Variants in SLC46A3 observed in about 807,000 individuals in gnomAD.
SLC46A3 encodes solute carrier family 46 member 3.
Under a neutral mutation model 38.5 loss-of-function variants are expected in SLC46A3, and 26 were observed. The observed-to-expected ratio is 0.68, with a 90% CI of 0.49 to 0.94. The LOEUF (loss-of-function observed/expected upper bound fraction) is 0.94. Among genes scored for constraint, SLC46A3 ranks in the 40% least tolerant of loss-of-function variants. The probability of loss-of-function intolerance (pLI) is 0.00; values close to 1 mark genes in which losing one functional copy is unlikely to be tolerated. For missense variants in SLC46A3, 510 were observed against 544.3 expected (o/e 0.94, Z 0.63); for synonymous variants, 185 against 192.5 (o/e 0.96, Z 0.32).
At chr13:28,718,151 G>T in intron 1 of SLC46A3, 129 bp from the exon 2 acceptor site, 1 of 680,360 alleles carries the variant, frequency 1.5e-6, no homozygotes, top group Non-Finnish European at 2.4e-6. Flanking sequence ...AGAAAAGGCA[G>T]TAAGCACTTT....
At chr13:28,701,662 C>A in intron 5 of SLC46A3, 81 bp from the exon 6 acceptor site, 3 of 1,312,596 alleles carry the variant, frequency 2.3e-6, no homozygotes, top group East Asian at 2.4e-5. Flanking sequence ...CTTTTTTTCC[C>A]AGTTACATAG....
chr13:28,718,065 A>T, intron 1 of SLC46A3, 43 bp from the exon 2 acceptor site: 8 of 1,514,428 alleles, frequency 5.3e-6, no homozygotes, highest in Non-Finnish European at 6.3e-6. Context: ...GTCTCATCCC[A>T]GAGGCTAGAT....
In SLC46A3 at chr13:28,712,813, CA is replaced by C. The variant is rs774731820; in HGVS notation, c.926del (p.Leu309Ter). ...AAAGCCATATTCCTAGGAAACTAGT[CA>C]AAAAAGAGGCACTACCCAAAGCTGA... is the stretch of plus-strand genomic sequence containing the variant. ...YGSALGSASF[L>X]TSFLGIWLFS... is the part of the protein sequence containing the mutation. On this transcript the variant is annotated frameshift_variant, in exon 3 of 6. Coordinates refer to ENST00000266943, the MANE Select transcript of SLC46A3 (RefSeq NM_181785.4). LOFTEE classifies it high-confidence loss of function. The C allele has an allele frequency of 6.2e-7, 1 of 1,613,128 alleles. No individual in the cohort carries two copies. The highest frequency in any genetic ancestry group is 8.5e-7 in the Non-Finnish European group (1 of 1,179,816).
chr13:28,700,835 T>G lies in SLC46A3; in HGVS notation c.*662A>C, dbSNP rs1409587714. 13 of 774,930 alleles carry G rather than the reference T, an allele frequency of 1.7e-5. No individual in the cohort carries two copies. The highest frequency in any genetic ancestry group is 2.6e-5 in the Non-Finnish European group (13 of 490,918). 48.0% of individuals were successfully genotyped at this position (774,930 alleles called of 1,614,324 possible). On this transcript the variant is annotated 3_prime_UTR_variant, in exon 6 of 6. Coordinates refer to ENST00000266943, the MANE Select transcript of SLC46A3 (RefSeq NM_181785.4). The stretch of plus-strand genomic sequence containing the variant: ...TATTAAGAAAAGTGAAAAATACATA[T>G]TCTTTAAAGTGCCTCCCTTTTAAGG...
rs1885583970 is a variant in SLC46A3, at chr13:28,718,014, A to G, written c.-16T>C. The G allele has an allele frequency of 1.2e-6, 2 of 1,601,248 alleles. No homozygotes were observed. The highest frequency in any genetic ancestry group is 1.7e-6 in the Non-Finnish European group (2 of 1,174,768). On this transcript the variant is annotated 5_prime_UTR_variant, in exon 2 of 6. Coordinates refer to ENST00000266943, the MANE Select transcript of SLC46A3 (RefSeq NM_181785.4). ...AAATCTTCATATTGCCTGGGTAGGT[A>G]GCTGTATTCTATAAAAAGTGAAAAC...
Position 28,713,230 on chromosome 13 carries a change from A to G in SLC46A3, c.510T>C (p.Ala170=), listed in dbSNP as rs144687154. 1.7e-4 allele frequency: 269 copies of G among 1,614,050 alleles called. 2 individuals are homozygous for G. In the African/African-American group the frequency reaches 3.3e-3, roughly 20 times the overall value. The part of the protein sequence containing the change: ...KEHKQKTIRI[A]IIDFLLGLVT... ...CAAGTCCAAGTAGAAAGTCAATGATAGCTATTCGAATTGTTTTTTGTTTGT... is the reference window on the plus strand; with the variant it reads ...CAAGTCCAAGTAGAAAGTCAATGATGGCTATTCGAATTGTTTTTTGTTTGT... Residue 170 remains alanine (A), a synonymous_variant, in exon 3 of 6, where the codon GCT becomes GCC. Transcript: ENST00000266943.
intron 2 of SLC46A3, among the ~76,000 whole-genome samples, 187 bp downstream of exon 2, chr13:28,717,623 A>C (rs1229048024): frequency 6.6e-6 from 1 of 151,862 alleles, no homozygotes; most frequent in Non-Finnish European, 1.5e-5. Context: ...AAGAAGAGGC[A>C]GATTTGAAAG....
At chr13:28,711,683 TAGTC>T (rs1259002181) in intron 3 of SLC46A3, among the ~76,000 whole-genome samples, 2 of 152,234 alleles carry the variant, frequency 1.3e-5, no homozygotes, top group Non-Finnish European at 2.9e-5. Context: ...TGACCCTTAA[TAGTC>T]AGTAGTTTTA....
intron 5 of SLC46A3, 93 bp downstream of exon 5, chr13:28,703,850 A>G: frequency 8.2e-7 from 1 of 1,225,290 alleles, no homozygotes; most frequent in Non-Finnish European, 1.1e-6. Context: ...TCTGAGGCAA[A>G]ATTTCAACAG....
chr13:28,711,796 A>C (rs959450524), intron 3 of SLC46A3, among the ~76,000 whole-genome samples: 4 of 152,204 alleles, frequency 2.6e-5, no homozygotes, highest in African/African-American at 7.2e-5. Context: ...GGCAGCTCTT[A>C]GGGAGACAGG....
At chr13:28,706,151 T>C (rs1418591101) in intron 4 of SLC46A3, among the ~76,000 whole-genome samples, 1 of 152,174 alleles carries the variant, frequency 6.6e-6, no homozygotes, top group Non-Finnish European at 1.5e-5. Context: ...ACAAGGAGTA[T>C]ATGGGTGATG....
Position 28,713,441 on chromosome 13 carries a change from C to T in SLC46A3, c.299G>A (p.Arg100Gln), listed in dbSNP as rs1308441470. Residue 100 changes from arginine (R) to glutamine (Q), a missense_variant, in exon 3 of 6, where the codon CGA becomes CAA. Transcript: ENST00000266943. The stretch of plus-strand genomic sequence containing the variant: ...GGAAGACAAAATCATAGGGAATTTT[C>T]GTCCGTAGTGATCACTAATAGACAA... ...ILLSISDHYG[R>Q]KFPMILSSVG... 5 of 1,614,016 alleles carry T rather than the reference C, an allele frequency of 3.1e-6. No homozygotes were observed. Among genetic ancestry groups the T allele is most frequent in the South Asian group, 2.2e-5 (2 of 91,074 alleles).
intron 2 of SLC46A3, among the ~76,000 whole-genome samples, chr13:28,717,414 G>T (rs1885555303): frequency 6.7e-6 from 1 of 150,224 alleles, no homozygotes; most frequent in African/African-American, 2.5e-5. Context: ...GTGAGAGACA[G>T]AAACACCATG....
At chr13:28,705,922 C>G (rs1020940517) in intron 4 of SLC46A3, among the ~76,000 whole-genome samples, 1 of 152,214 alleles carries the variant, frequency 6.6e-6, no homozygotes, top group Admixed American at 6.5e-5. Flanking sequence ...GGAAATAGGT[C>G]AGACACTGCA....
At chr13:28,710,233 G>T (rs929534610) in intron 4 of SLC46A3, among the ~76,000 whole-genome samples, 1 of 152,138 alleles carries the variant, frequency 6.6e-6, no homozygotes, top group Non-Finnish European at 1.5e-5. Flanking sequence ...CTCAGAAAGG[G>T]TCATTACAGG....
chr13:28,712,959 A>G lies in SLC46A3; in HGVS notation c.781T>C (p.Cys261Arg). The change falls in exon 3 of 6, where the codon TGT becomes CGT. Residue 261 changes from cysteine (C) to arginine (R), a missense_variant. Cys to Arg is a radical substitution (Grantham distance 180). Coordinates refer to ENST00000266943, the MANE Select transcript of SLC46A3 (RefSeq NM_181785.4). The stretch of plus-strand genomic sequence containing the variant: ...GTGATTACTGTAAAAAGTAACAAAC[A>G]GAGCAAAAATCGTCTCTTACCAGAA... ...NASGKRRFLL[C>R]LLLFTVITYF... 1.2e-6 allele frequency: 2 copies of G among 1,612,342 alleles called. No homozygotes were observed. Among genetic ancestry groups the G allele is most frequent in the South Asian group, 1.1e-5 (1 of 90,324 alleles).
intron 2 of SLC46A3, among the ~76,000 whole-genome samples, chr13:28,714,531 T>C (rs1885469597): frequency 6.6e-6 from 1 of 152,152 alleles, no homozygotes; most frequent in African/African-American, 2.4e-5. Flanking sequence ...GGCGGATCAC[T>C]TGAGGTCAGG....
intron 4 of SLC46A3, 145 bp downstream of exon 4, chr13:28,710,615 C>G (rs1486281363): frequency 1.5e-6 from 1 of 683,332 alleles, no homozygotes; most frequent in South Asian, 1.9e-5. Context: ...TAAGCCTTTC[C>G]CTCACAGAGC....
At chr13:28,704,265 C>A in intron 4 of SLC46A3, 166 bp from the exon 5 acceptor site, 1 of 627,632 alleles carries the variant, frequency 1.6e-6, no homozygotes, top group Non-Finnish European at 2.7e-6. Flanking sequence ...GAGAAGTCAG[C>A]AGCCCATTCT....
Sources: gnomAD v4.1 joint callset for allele counts (sites outside exome capture counted in the v4.1 genomes callset) on GRCh38, gnomAD v4.1.1 for gene constraint, MANE v1.5 for transcripts, NCBI Gene and HGNC (gene_info 2026-07-23, HGNC 2026-07-21) for gene names.